The following NT5DC1 variants were observed in gnomAD, a reference collection of about 807,000 sequenced individuals.
NT5DC1 encodes the protein 5'-nucleotidase domain-containing protein 1.
A neutral mutation model predicts 59.4 loss-of-function variants in NT5DC1; 42 were observed. The observed-to-expected ratio is 0.71, with a 90% CI of 0.55 to 0.92. The LOEUF is 0.92. NT5DC1 is among the 40% of genes least tolerant of loss of function. The pLI, the probability that NT5DC1 is intolerant of heterozygous loss-of-function variation, is 0.00. For synonymous variants in NT5DC1, 172 were observed against 188.1 expected (o/e 0.91, Z 0.70); for missense variants, 501 against 537.1 (o/e 0.93, Z 0.66).
chr6:116,216,687 A>G (rs1187892364), intron 6 of NT5DC1, among the ~76,000 whole-genome samples: 2 of 152,080 alleles, frequency 1.3e-5, no homozygotes, highest in Non-Finnish European at 2.9e-5. Context: ...ATTTTGTTAT[A>G]TAAACAGCAA....
In NT5DC1 at chr6:116,178,342, G is replaced by A. The variant is rs995949489; in HGVS notation, c.530-42712G>A. On this transcript the variant is annotated intron_variant, in intron 6 of 11. Transcript: ENST00000319550. ...AGGGTGGTATGGCCATAAGCCCTAG[G>A]ACACCTTTCTGAACTCTTTAACTTG... 3.3e-5 allele frequency among the ~76,000 whole-genome samples: 5 copies of A among 152,082 alleles called. No homozygotes were observed. The South Asian group carries it at 1.0e-3, about 32-fold the overall frequency.
intron 6 of NT5DC1, among the ~76,000 whole-genome samples, chr6:116,183,113 C>T (rs746773834): frequency 3.3e-5 from 5 of 152,062 alleles, no homozygotes; most frequent in Admixed American, 1.3e-4. Flanking sequence ...TGTCCCTGCA[C>T]CATTTGTTGA....
At chr6:116,102,811 ACACAGTAGGCAAAAAT>A (rs1288871980) in intron 1 of NT5DC1, among the ~76,000 whole-genome samples, 1 of 152,236 alleles carries the variant, frequency 6.6e-6, no homozygotes, top group Admixed American at 6.5e-5. Flanking sequence ...AGGCAGCCTT[ACACAGTAGGCAAAAAT>A]GCTGAAGAGT....
chr6:116,159,527 CAT>C (rs1241603089), intron 6 of NT5DC1, among the ~76,000 whole-genome samples: 1 of 152,136 alleles, frequency 6.6e-6, no homozygotes, highest in Non-Finnish European at 1.5e-5. Flanking sequence ...TTCTGGATGT[CAT>C]GTGAATAATT....
intron 6 of NT5DC1, among the ~76,000 whole-genome samples, chr6:116,149,927 C>G (rs986416140): frequency 6.6e-6 from 1 of 152,208 alleles, no homozygotes; most frequent in Non-Finnish European, 1.5e-5. Flanking sequence ...TTCCCCCACT[C>G]ACAGGTAGGT....
chr6:116,150,310 A>G (rs1780007738), intron 6 of NT5DC1, among the ~76,000 whole-genome samples: 1 of 151,928 alleles, frequency 6.6e-6, no homozygotes, highest in Admixed American at 6.6e-5. Context: ...TTTTCAGACA[A>G]AGTCTTGCTC....
At chr6:116,135,862 T>C (rs1191826393) in intron 6 of NT5DC1, among the ~76,000 whole-genome samples, 9 of 106,136 alleles carry the variant, frequency 8.5e-5, no homozygotes, top group African/African-American at 1.1e-4. Flanking sequence ...TATATATATA[T>C]ATATATATAT....
At chr6:116,118,986 A>G (rs904464772) in intron 6 of NT5DC1, 1 of 152,558 alleles carries the variant, frequency 6.6e-6, no homozygotes. Flanking sequence ...AATGGTTGAG[A>G]ACAGCAAATT....
At chr6:116,101,482 A>G (rs1256658744) in intron 1 of NT5DC1, among the ~76,000 whole-genome samples, 3 of 152,208 alleles carry the variant, frequency 2.0e-5, no homozygotes, top group Non-Finnish European at 2.9e-5. Flanking sequence ...TGCACGATCA[A>G]CCACCCATCA....
intron 1 of NT5DC1, among the ~76,000 whole-genome samples, chr6:116,102,934 C>A (rs989223686): frequency 2.3e-4 from 35 of 152,256 alleles, no homozygotes; most frequent in Non-Finnish European, 1.0e-4. Flanking sequence ...AGAAGCTCTT[C>A]ATCCCATCAG....
At chr6:116,140,714 A>T (rs1472045250) in intron 6 of NT5DC1, among the ~76,000 whole-genome samples, 1 of 152,126 alleles carries the variant, frequency 6.6e-6, no homozygotes, top group Non-Finnish European at 1.5e-5. Context: ...TTTTTAAATT[A>T]TATATTTAAA....
At position 116,106,341 on chromosome 6, in the gene NT5DC1, T is replaced by TTA; in HGVS notation, c.185+7_185+8insAT. The TTA allele has an allele frequency of 8.4e-7, 1 of 1,187,204 alleles. No individual in the cohort carries two copies. The highest frequency in any genetic ancestry group is 1.2e-6 in the Non-Finnish European group (1 of 839,782). The allele number at this position is 1,187,204 out of a possible 1,614,324, so 73.5% of individuals were successfully genotyped here. ...CCAGAGGATTGGGATTTCTGGTAAGTTCTTTTTTTTTTTTTTTTTTTAAGT... is the reference window on the plus strand; with the variant it reads ...CCAGAGGATTGGGATTTCTGGTAAGTTATCTTTTTTTTTTTTTTTTTTTAAGT... On this transcript the variant is annotated splice_region_variant and intron_variant, in intron 2 of 11. Transcript: ENST00000319550.
intron 4 of NT5DC1, among the ~76,000 whole-genome samples, chr6:116,113,514 A>G (rs1042334605): frequency 6.6e-6 from 1 of 152,208 alleles, no homozygotes; most frequent in Non-Finnish European, 1.5e-5. Flanking sequence ...TGGACGTTGA[A>G]GCTTTCATGT....
intron 6 of NT5DC1, among the ~76,000 whole-genome samples, chr6:116,134,988 C>G (rs1779554592): frequency 6.6e-6 from 1 of 152,122 alleles, no homozygotes; most frequent in African/African-American, 2.4e-5. Context: ...TTCAGAGCAA[C>G]AAATAACTTT....
At chr6:116,110,365 C>T (rs142728236) in intron 3 of NT5DC1, among the ~76,000 whole-genome samples, 23 of 152,326 alleles carry the variant, frequency 1.5e-4, no homozygotes, top group African/African-American at 5.1e-4. Context: ...TGCTCCTCAT[C>T]TTGTCTTCAC....
chr6:116,136,260 G>C (rs1042101638), intron 6 of NT5DC1, among the ~76,000 whole-genome samples: 1 of 152,038 alleles, frequency 6.6e-6, no homozygotes. Context: ...GTCAAAAATA[G>C]CAGGATTTTC....
At chr6:116,117,734 A>AC in intron 5 of NT5DC1, 127 bp from the exon 6 acceptor site, 1 of 603,770 alleles carries the variant, frequency 1.7e-6, no homozygotes, top group East Asian at 2.8e-5. Context: ...CCATTATAAA[A>AC]TAAAAAAATT....
At chr6:116,239,712 C>G (rs1050102086) in intron 11 of NT5DC1, among the ~76,000 whole-genome samples, 12 of 152,264 alleles carry the variant, frequency 7.9e-5, no homozygotes, top group African/African-American at 2.9e-4. Flanking sequence ...CCCTGCACAC[C>G]TGGTAGAAAC....
chr6:116,104,703 T>A (rs939791954), intron 1 of NT5DC1, among the ~76,000 whole-genome samples: 1 of 152,222 alleles, frequency 6.6e-6, no homozygotes, highest in African/African-American at 2.4e-5. Context: ...GATTTGCTGG[T>A]GTGCCAGGCT....
Sources: gnomAD v4.1 joint callset for allele counts (sites outside exome capture counted in the v4.1 genomes callset) on GRCh38, gnomAD v4.1.1 for gene constraint, MANE v1.5 for transcripts, NCBI Gene and HGNC (gene_info 2026-07-23, HGNC 2026-07-21) for gene names.